ODAD1: variants seen among roughly 807,000 people sequenced by gnomAD.
ODAD1 encodes the protein outer dynein arm docking complex subunit 1.
A neutral mutation model predicts 67.2 loss-of-function variants in ODAD1; 49 were observed. That is an observed-to-expected ratio of 0.73 (90% CI 0.58 to 0.92). The LOEUF is 0.92. ODAD1 is among the 40% of genes least tolerant of loss of function. The pLI is 0.00. For missense variants in ODAD1, 897 were observed against 953.7 expected (o/e 0.94, Z 0.78); for synonymous variants, 345 against 393.7 (o/e 0.88, Z 1.46).
intron 7 of ODAD1, among the ~76,000 whole-genome samples, chr19:48,306,829 C>G (rs1968619682): frequency 6.6e-6 from 1 of 152,048 alleles, no homozygotes; most frequent in South Asian, 2.1e-4. Flanking sequence ...GGCAGATCAC[C>G]TGAGCTTGGG....
chr19:48,297,434 C>T lies in ODAD1; in HGVS notation c.1666G>A (p.Asp556Asn). The T allele has an allele frequency of 6.2e-7, 1 of 1,603,824 alleles. No individual in the cohort carries two copies. Among genetic ancestry groups the T allele is most frequent in the Non-Finnish European group, 8.5e-7 (1 of 1,179,034 alleles). Residue 556 changes from aspartate (D) to asparagine (N), a missense_variant, in exon 16 of 16, where the codon GAC (aspartate) becomes AAC (asparagine). Coordinates refer to ENST00000674294, the MANE Select transcript of ODAD1 (RefSeq NM_001364171.2). ...CCGGCCCTCTGGGTGCTGGCCAGGT[C>T]CACGCTCAGGGTGCCGTCCAGCTTC... ...AAKLDGTLSVDLASTQRAGSS... is the reference protein window; with the variant it reads ...AAKLDGTLSVNLASTQRAGSS...
At chr19:48,315,407 C>T (rs971353530) in intron 5 of ODAD1, among the ~76,000 whole-genome samples, 1 of 152,022 alleles carries the variant, frequency 6.6e-6, no homozygotes, top group Non-Finnish European at 1.5e-5. Context: ...AGCCAGGCAT[C>T]GTGGCAGGCA....
rs761328296 is a variant in ODAD1 at position 48,297,500 on chromosome 19, C to T, written c.1600G>A (p.Ala534Thr). 1.2e-6 allele frequency: 2 copies of T among 1,604,574 alleles called. No homozygotes were observed. Among genetic ancestry groups the T allele is most frequent in the African/African-American group, 1.3e-5 (1 of 74,694 alleles). The change falls in exon 16 of 16, where the codon GCG becomes ACG. Residue 534 changes from alanine (A) to threonine (T), a missense_variant. Physicochemically the swap from Ala to Thr is moderately conservative, Grantham distance 58. Transcript: ENST00000674294. ...VEKLVELQEQAEAQRQKDLAA... is the reference protein window; with the variant it reads ...VEKLVELQEQTEAQRQKDLAA... ...AGGTCCTTCTGGCGCTGCGCCTCCG[C>T]CTGCTCCTGGAGCTCCACCTGCAGG...
At chr19:48,320,518 C>T in intron 2 of ODAD1, 127 bp from the exon 3 acceptor site, 1 of 352,956 alleles carries the variant, frequency 2.8e-6, no homozygotes, top group Non-Finnish European at 5.0e-6. Context: ...GGCCTCATTC[C>T]TCCAAGAGGG....
rs141419219 is a variant in ODAD1, at chr19:48,300,689, T to TA, written c.1240+2004dup. 7.0e-3 allele frequency among the ~76,000 whole-genome samples: 1,069 copies of TA among 152,158 alleles called. 18 individuals are homozygous for TA. The highest frequency in any genetic ancestry group is 0.024 in the African/African-American group (1,004 of 41,510). On this transcript the variant is annotated intron_variant, in intron 12 of 15. Transcript: ENST00000674294. ...GTTATAGCAAGACAAACCCAATTTT[T>TA]AAAAAAACAAGTGCACAAGATTGAA...
Position 48,297,581 on chromosome 19 carries a change from C to T in ODAD1, c.1581+9G>A. On this transcript the variant is annotated intron_variant, in intron 15 of 15. Coordinates refer to ENST00000674294, the MANE Select transcript of ODAD1 (RefSeq NM_001364171.2). ...GGCCTGGCCCCACCCCCGCAGGCCC[C>T]ACTCTCACCAGCTTCTCCACTTGGC... 1 of 1,561,784 alleles carries T rather than the reference C, an allele frequency of 6.4e-7. No individual in the cohort carries two copies. The highest frequency in any genetic ancestry group is 8.6e-7 in the Non-Finnish European group (1 of 1,157,186).
chr19:48,313,158 G>A (rs138065593), intron 5 of ODAD1, among the ~76,000 whole-genome samples: 2,370 of 152,254 alleles, frequency 0.016, 70 homozygotes, highest in African/African-American at 0.054. Context: ...GCCGGGCACG[G>A]TGGCTCACAC....
At chr19:48,302,989 A>T (rs548341766) in intron 11 of ODAD1, 24 bp downstream of exon 11, 2 of 1,609,402 alleles carry the variant, frequency 1.2e-6, no homozygotes, top group Admixed American at 3.3e-5. Flanking sequence ...AGAGGAGGAG[A>T]TGGAGAGGGC....
At position 48,302,817 on chromosome 19, in the gene ODAD1, G is replaced by A; in HGVS notation, c.1117C>T (p.His373Tyr). The change falls in exon 12 of 16, where the codon CAT becomes TAT. Residue 373 changes from histidine (H) to tyrosine (Y), a missense_variant. His to Tyr is a moderately conservative substitution (Grantham distance 83, BLOSUM62 2). Transcript: ENST00000674294. The stretch of plus-strand genomic sequence containing the variant: ...TTCTGCTGCTGCTCCTGCAGCAAAT[G>A]CTGGTCATCCTTGCTGGCACGTGCG... ...VSARASKDDQHLLQEQQQKVL... is the reference protein window; with the variant it reads ...VSARASKDDQYLLQEQQQKVL... The A allele has an allele frequency of 1.2e-6, 2 of 1,614,068 alleles. No individual in the cohort carries two copies. The highest frequency in any genetic ancestry group is 1.7e-6 in the Non-Finnish European group (2 of 1,180,002).
Position 48,297,071 on chromosome 19 carries a change from C to A in ODAD1, c.2029G>T (p.Gly677Ter). Residue 677 changes from glycine (G) to a stop codon, truncating the protein, a stop_gained, in exon 16 of 16, where the codon GGA becomes TGA. Coordinates refer to ENST00000674294, the MANE Select transcript of ODAD1 (RefSeq NM_001364171.2). LOFTEE classifies it low-confidence loss of function (END_TRUNC). ...ESGGTASDSS[G>*]GLGSSRDHVS... Reference sequence around the variant, plus strand: ...TGGTCTCTGCTGGACCCGAGGCCTCCGCTCGAATCAGACGCTGTGCCTCCG... The same window carrying A: ...TGGTCTCTGCTGGACCCGAGGCCTCAGCTCGAATCAGACGCTGTGCCTCCG... 1 of 1,613,146 alleles carries A rather than the reference C, an allele frequency of 6.2e-7. No homozygotes were observed. Among genetic ancestry groups the A allele is most frequent in the Non-Finnish European group, 8.5e-7 (1 of 1,179,566 alleles).
rs1968337296 is a variant in ODAD1 at position 48,297,648 on chromosome 19, T to C, written c.1523A>G (p.Glu508Gly). 6.6e-7 allele frequency: 1 copy of C among 1,517,196 alleles called. No homozygotes were observed. Among genetic ancestry groups the C allele is most frequent in the East Asian group, 2.3e-5 (1 of 43,888 alleles). 94.0% of individuals were successfully genotyped at this position (1,517,196 alleles called of 1,614,324 possible). A position where few individuals can be genotyped will look rare whatever the true frequency, so the allele number is the denominator to read the frequency against. Residue 508 changes from glutamate to glycine, a missense_variant, in exon 15 of 16, where the codon GAG becomes GGG. Coordinates refer to ENST00000674294, the MANE Select transcript of ODAD1 (RefSeq NM_001364171.2). ...PDTLEDPPGF[E>G]ASDDYPMSRE... ...GCTCATGGGGTAGTCATCGCTGGCC[T>C]CAAAACCCGGGGGGTCTTCTCTGGG...
intron 11 of ODAD1, 23 bp downstream of exon 11, chr19:48,302,990 T>C (rs116228677): frequency 6.2e-7 from 1 of 1,609,476 alleles, no homozygotes; most frequent in Admixed American, 1.7e-5. Context: ...GAGGAGGAGA[T>C]GGAGAGGGCA....
intron 7 of ODAD1, among the ~76,000 whole-genome samples, chr19:48,306,953 C>T (rs909815780): frequency 2.0e-5 from 3 of 151,828 alleles, no homozygotes; most frequent in African/African-American, 4.8e-5. Flanking sequence ...GAGGCCAAGA[C>T]GGGAGGATCA....
At chr19:48,306,137 G>A (rs1334847408) in intron 8 of ODAD1, 119 bp downstream of exon 8, 1 of 1,428,400 alleles carries the variant, frequency 7.0e-7, no homozygotes, top group Non-Finnish European at 9.4e-7. Flanking sequence ...GGATATTATG[G>A]GAGAAAAAAT....
intron 5 of ODAD1, among the ~76,000 whole-genome samples, chr19:48,314,986 G>A (rs1600872069): frequency 1.3e-5 from 2 of 152,110 alleles, no homozygotes. Context: ...TGTTGACACT[G>A]GGGGAAAATG....
At chr19:48,300,167 G>A (rs578207896) in intron 12 of ODAD1, among the ~76,000 whole-genome samples, 14 of 152,230 alleles carry the variant, frequency 9.2e-5, no homozygotes, top group South Asian at 4.2e-4. Context: ...TTAGTTGGGC[G>A]TGGTGGCGGG....
At chr19:48,298,398 T>C (rs1968367300) in intron 12 of ODAD1, 58 bp from the exon 13 acceptor site, 1 of 1,564,430 alleles carries the variant, frequency 6.4e-7, no homozygotes, top group African/African-American at 1.4e-5. Flanking sequence ...GTGCCAGCCC[T>C]CTCCCCACTC....
At chr19:48,313,363 G>T (rs1444085489) in intron 5 of ODAD1, among the ~76,000 whole-genome samples, 1 of 146,044 alleles carries the variant, frequency 6.8e-6, no homozygotes, top group African/African-American at 2.6e-5. Flanking sequence ...AGGAGGAGAG[G>T]TTGCAGTGAG....
At chr19:48,307,920 G>C (rs903492198) in intron 7 of ODAD1, among the ~76,000 whole-genome samples, 1 of 152,006 alleles carries the variant, frequency 6.6e-6, no homozygotes, top group Non-Finnish European at 1.5e-5. Flanking sequence ...CAACCCCAGG[G>C]ATGGGGCAGA....
Sources: gnomAD v4.1 joint callset for allele counts (sites outside exome capture counted in the v4.1 genomes callset) on GRCh38, gnomAD v4.1.1 for gene constraint, MANE v1.5 for transcripts, NCBI Gene and HGNC (gene_info 2026-07-23, HGNC 2026-07-21) for gene names.